Variants in PEAK1 observed in about 807,000 individuals in gnomAD.
PEAK1 encodes the protein pseudopodium enriched atypical kinase 1.
In PEAK1, 54 loss-of-function variants were observed where a neutral mutation model predicts 124.7. The ratio of observed to expected loss-of-function variants is 0.43; its 90% CI spans 0.35 to 0.54. PEAK1 has a LOEUF of 0.54. Ranked by LOEUF, PEAK1 falls within the 20% of genes least tolerant of loss-of-function variation. The probability of loss-of-function intolerance (pLI) is 0.01; values close to 1 mark genes in which losing one functional copy is unlikely to be tolerated. For missense variants in PEAK1, 2,046 were observed against 2,134.5 expected, an observed-to-expected ratio of 0.96 and a Z score of 0.82; for synonymous variants, 719 against 760.0, an observed-to-expected ratio of 0.95 and a Z score of 0.89.
At chr15:77,213,504 G>T (rs749841089) in intron 6 of PEAK1, among the ~76,000 whole-genome samples, 8 of 152,128 alleles carry the variant, frequency 5.3e-5, no homozygotes, top group Middle Eastern at 3.4e-3. Flanking sequence ...GCCTGGCCAA[G>T]ATGGTGAAAC....
chr15:77,256,948 T>C (rs1292470874), intron 5 of PEAK1, among the ~76,000 whole-genome samples: 2 of 142,274 alleles, frequency 1.4e-5, no homozygotes, highest in African/African-American at 5.1e-5. Context: ...CATTTTTCAA[T>C]TCCCACCTAT....
intron 1 of PEAK1, chr15:77,403,272 A>G (rs1392601460): frequency 1.0e-6 from 1 of 984,020 alleles, no homozygotes; most frequent in African/African-American, 1.7e-5. Flanking sequence ...CAAGATTTCA[A>G]ATTGTTTACT....
intron 2 of PEAK1, among the ~76,000 whole-genome samples, chr15:77,311,685 C>CAAAAAAAAAAAAAAA (rs11296386): frequency 1.3e-4 from 11 of 85,838 alleles, no homozygotes; most frequent in Admixed American, 1.6e-4. Flanking sequence ...CCAACCCCCA[C>CAAAAAAAAAAAAAAA]AAAAAAAAAA....
chr15:77,345,919 C>A, intron 2 of PEAK1: 1 of 984,788 alleles, frequency 1.0e-6, no homozygotes, highest in African/African-American at 1.7e-5. Context: ...TTAAAGCCTA[C>A]ACATACATAT....
intron 1 of PEAK1, among the ~76,000 whole-genome samples, chr15:77,373,668 G>A (rs17470307): frequency 0.031 from 4,728 of 152,240 alleles, 102 homozygotes; most frequent in South Asian, 0.094. Flanking sequence ...CTTCAAGATC[G>A]TGATCCAGTG....
chr15:77,165,136 G>T (rs968021802), intron 7 of PEAK1, among the ~76,000 whole-genome samples: 2 of 151,386 alleles, frequency 1.3e-5, no homozygotes, highest in Non-Finnish European at 2.9e-5. Context: ...CCTGACCTCA[G>T]ATGATCCACC....
At position 77,228,745 on chromosome 15, in the gene PEAK1, T is replaced by C. The variant is rs570442504; in HGVS notation, c.-115+23622A>G. ...GACTACTTTGGTATGAAGACAAATATATTAATGTTATATATTAAAATACTT... is the reference window on the plus strand; with the variant it reads ...GACTACTTTGGTATGAAGACAAATACATTAATGTTATATATTAAAATACTT... On this transcript the variant is annotated intron_variant, in intron 6 of 9. Coordinates refer to ENST00000682557, the MANE Select transcript of PEAK1 (RefSeq NM_001385026.1). 1.1e-4 allele frequency among the ~76,000 whole-genome samples: 17 copies of C among 152,278 alleles called. No homozygotes were observed. In the South Asian group the frequency reaches 2.7e-3, roughly 24 times the overall value.
intron 1 of PEAK1, among the ~76,000 whole-genome samples, chr15:77,410,652 T>C (rs2072332104): frequency 6.6e-6 from 1 of 152,254 alleles, no homozygotes; most frequent in Non-Finnish European, 1.5e-5. Flanking sequence ...TATCCACTAC[T>C]TGTTAGGAAC....
intron 8 of PEAK1, among the ~76,000 whole-genome samples, chr15:77,148,455 T>A (rs1057024994): frequency 9.9e-5 from 15 of 152,204 alleles, no homozygotes; most frequent in African/African-American, 3.6e-4. Context: ...TTAGCTACCT[T>A]GGGGATCCTG....
intron 5 of PEAK1, among the ~76,000 whole-genome samples, chr15:77,275,252 A>G (rs2062249517): frequency 6.6e-6 from 1 of 152,196 alleles, no homozygotes; most frequent in Admixed American, 6.5e-5. Flanking sequence ...AAATCTCATA[A>G]ATCACCACTA....
At position 77,114,760 on chromosome 15, in the gene PEAK1, G is replaced by C. The variant is rs1278043915; in HGVS notation, c.4637C>G (p.Ser1546Cys). Residue 1546 changes from serine (S) to cysteine (C), a missense_variant, in exon 10 of 10, where the codon TCT becomes TGT. Ser to Cys is a moderately radical substitution (Grantham distance 112). Transcript: ENST00000682557. ...FGPAEPSPTS[S>C]YPTRLIVSNF... ...GCTCACTATAAGCCTAGTGGGATAA[G>C]ATGAGGTGGGGCTGGGCTCTGCAGG... is the stretch of plus-strand genomic sequence containing the variant. 3 of 1,613,148 alleles carry C rather than the reference G, an allele frequency of 1.9e-6. No individual in the cohort carries two copies. Among genetic ancestry groups the C allele is most frequent in the South Asian group, 2.2e-5 (2 of 91,056 alleles).
chr15:77,306,302 A>C (rs1227917385), intron 2 of PEAK1, among the ~76,000 whole-genome samples: 1 of 152,210 alleles, frequency 6.6e-6, no homozygotes, highest in East Asian at 1.9e-4. Flanking sequence ...AAACAATTCA[A>C]GTTCTAAACC....
rs781724497 is a variant in PEAK1 at position 77,180,995 on chromosome 15, T to C, written c.932A>G (p.Asp311Gly). The C allele has an allele frequency of 2.5e-5, 40 of 1,614,078 alleles. No homozygotes were observed. Among genetic ancestry groups the C allele is most frequent in the Middle Eastern group, 1.6e-4 (1 of 6,084 alleles). ...LQRICAVDYD[D>G]SYDEILNGYE... is the part of the protein sequence containing the mutation. ...ACCATTCAGGATTTCATCATAGCTG[T>C]CATCATAGTCCACAGCACAGATTCT... Residue 311 changes from aspartate to glycine, a missense_variant, in exon 7 of 10, where the codon GAC becomes GGC. Physicochemically the swap from Asp to Gly is moderately conservative, Grantham distance 94. Transcript: ENST00000682557.
rs370189347 is a variant in PEAK1, at chr15:77,180,574, G to C, written c.1353C>G (p.Asn451Lys). ...TTGCTTGCTCTTCTGTGGGGACAAG[G>C]TTTATGGTTACTGCTTGCCCAGCAA... is the stretch of plus-strand genomic sequence containing the variant. Reference protein sequence around the residue: ...TDVAGQAVTINLVPTEEQAKP... With the variant: ...TDVAGQAVTIKLVPTEEQAKP... The change falls in exon 7 of 10, where the codon AAC (asparagine) becomes AAG (lysine). Residue 451 changes from asparagine to lysine, a missense_variant. Transcript: ENST00000682557. The C allele has an allele frequency of 3.1e-6, 5 of 1,614,018 alleles. No homozygotes were observed. The African/African-American group carries it at 6.7e-5, about 22-fold the overall frequency.
At chr15:77,300,095 A>T (rs2063709888) in intron 2 of PEAK1, among the ~76,000 whole-genome samples, 1 of 152,188 alleles carries the variant, frequency 6.6e-6, no homozygotes. Context: ...TCCCAGCCCT[A>T]GAATCAGTCA....
intron 2 of PEAK1, chr15:77,352,546 A>G: frequency 5.2e-6 from 5 of 963,790 alleles, no homozygotes; most frequent in Non-Finnish European, 6.2e-6. Context: ...TTTAAAATAT[A>G]TATACTTTAG....
chr15:77,181,573 A>C lies in PEAK1; in HGVS notation c.354T>G (p.Asn118Lys). ...RAALSQKPLNNNNEDDEGISH... is the reference protein window; with the variant it reads ...RAALSQKPLNKNNEDDEGISH... ...TAATTCCTTCATCATCTTCATTATT[A>C]TTGTTAAGTGGTTTCTGACTCAAGG... The change falls in exon 7 of 10, where the codon AAT becomes AAG. Residue 118 changes from asparagine to lysine, a missense_variant. By Grantham distance (94) the Asn-to-Lys change is moderately conservative. Coordinates refer to ENST00000682557, the MANE Select transcript of PEAK1 (RefSeq NM_001385026.1). The C allele has an allele frequency of 2.5e-6, 4 of 1,614,008 alleles. No homozygotes were observed. The highest frequency in any genetic ancestry group is 3.4e-6 in the Non-Finnish European group (4 of 1,180,010).
intron 2 of PEAK1, among the ~76,000 whole-genome samples, chr15:77,317,004 C>T (rs983053610): frequency 1.3e-5 from 2 of 152,104 alleles, no homozygotes; most frequent in Non-Finnish European, 2.9e-5. Context: ...TTGCTTGAAC[C>T]CAGGAGGTGG....
At chr15:77,329,379 T>A (rs960493985) in intron 2 of PEAK1, among the ~76,000 whole-genome samples, 2 of 152,172 alleles carry the variant, frequency 1.3e-5, no homozygotes, top group African/African-American at 2.4e-5. Flanking sequence ...TTCCAGATAA[T>A]TAAGGGTTTT....
Sources: allele counts gnomAD v4.1 joint callset (sites outside exome capture counted in the v4.1 genomes callset), GRCh38; gene constraint gnomAD v4.1.1; transcripts MANE v1.5; gene names NCBI Gene and HGNC (gene_info 2026-07-23, HGNC 2026-07-21).